Variants in ATXN3 observed in about 807,000 individuals in gnomAD.
ATXN3 encodes ataxin-3.
In ATXN3, 28 loss-of-function variants were observed where a neutral mutation model predicts 58.2. That is an observed-to-expected ratio of 0.48 (90% CI 0.36 to 0.66). ATXN3 has a LOEUF of 0.66. ATXN3 is among the 30% of genes least tolerant of loss of function. The probability of loss-of-function intolerance (pLI) is 0.00; values close to 1 mark genes in which losing one functional copy is unlikely to be tolerated. For missense variants in ATXN3, 321 were observed against 422.1 expected, an observed-to-expected ratio of 0.76 and a Z score of 2.10; for synonymous variants, 113 against 138.5, an observed-to-expected ratio of 0.82 and a Z score of 1.29.
chr14:92,096,678 A>G lies in ATXN3; in HGVS notation c.185T>C (p.Leu62Ser). Residue 62 changes from leucine to serine, a missense_variant, in exon 2 of 11, where the codon TTA becomes TCA. Coordinates refer to ENST00000644486, the MANE Select transcript of ATXN3 (RefSeq NM_004993.6). The stretch of plus-strand genomic sequence containing the variant: ...TAGTGAGTTTAAAATCAGTACCTGT[A>G]AAAACGTGCGATAATCTTCACTAGT... The part of the protein sequence containing the change: ...GVTSEDYRTF[L>S]QQPSGNMDDS... 1 of 1,610,314 alleles carries G rather than the reference A, an allele frequency of 6.2e-7. No individual in the cohort carries two copies. Among genetic ancestry groups the G allele is most frequent in the South Asian group, 1.1e-5 (1 of 89,896 alleles).
chr14:92,078,340 G>C (rs1040486199), intron 9 of ATXN3, among the ~76,000 whole-genome samples: 2 of 146,010 alleles, frequency 1.4e-5, no homozygotes, highest in African/African-American at 2.5e-5. Flanking sequence ...TAATTAAGTA[G>C]ATTTAAGTTA....
intron 10 of ATXN3, 123 bp from the exon 11 acceptor site, chr14:92,064,537 T>C (rs1265118456): frequency 2.9e-6 from 2 of 698,406 alleles, no homozygotes; most frequent in South Asian, 1.9e-5. Flanking sequence ...ATTTAATACA[T>C]ATAAAGCAAA....
rs957127775 is a variant in ATXN3 at position 92,091,856 on chromosome 14, T to A, written c.387+1396A>T. ...ATGCATCACCACGCCTAGCCAATTT[T>A]TTTTTCTTTCATTTTTTTTTTAGAG... On this transcript the variant is annotated intron_variant, in intron 5 of 10. Coordinates refer to ENST00000644486, the MANE Select transcript of ATXN3 (RefSeq NM_004993.6). Among the ~76,000 whole-genome samples, 9 of 151,592 alleles carry A rather than the reference T, an allele frequency of 5.9e-5. No homozygotes were observed. In the East Asian group the frequency reaches 7.8e-4, roughly 13 times the overall value.
Position 92,093,760 on chromosome 14 carries a change from G to A in ATXN3, c.306C>T (p.Leu102=). The stretch of plus-strand genomic sequence containing the variant: ...CAGAATCTTACATAGGATCGATCCT[G>A]AGCCTCTGATACTCTGGACTGTTGA... ...ILFNSPEYQR[L]RIDPINERSF... is the part of the protein sequence containing the mutation. The change falls in exon 4 of 11, where the codon CTC becomes CTT. Residue 102 remains leucine (L), a synonymous_variant. Coordinates refer to ENST00000644486, the MANE Select transcript of ATXN3 (RefSeq NM_004993.6). The A allele has an allele frequency of 1.9e-6, 3 of 1,608,330 alleles. No homozygotes were observed. Among genetic ancestry groups the A allele is most frequent in the South Asian group, 1.1e-5 (1 of 90,742 alleles).
Position 92,082,428 on chromosome 14 carries a change from T to C in ATXN3, c.647A>G (p.Asn216Ser), listed in dbSNP as rs1331590698. The change falls in exon 8 of 11, where the codon AAT (asparagine) becomes AGT (serine). Residue 216 changes from asparagine (N) to serine (S), a missense_variant. Around this residue, in one of 2 missense-constraint regions of ATXN3, gnomAD observed 200 missense variants for 223.2 expected, o/e 0.90. Transcript: ENST00000644486. ...KTDLERVLEA[N>S]DGSGMLDEDE... Reference sequence around the variant, plus strand: ...TTCGTCTAACATTCCTGAGCCATCATTTGCTTCTAACACTCGTTCCAGGTC... The same window carrying C: ...TTCGTCTAACATTCCTGAGCCATCACTTGCTTCTAACACTCGTTCCAGGTC... The C allele has an allele frequency of 3.1e-6, 5 of 1,614,128 alleles. No homozygotes were observed. The South Asian group carries it at 3.3e-5, about 11-fold the overall frequency.
chr14:92,070,869 C>A, intron 10 of ATXN3, 66 bp downstream of exon 10: 1 of 1,612,832 alleles, frequency 6.2e-7, no homozygotes, highest in Admixed American at 1.7e-5. Flanking sequence ...GCAAAAATCA[C>A]ATGGAGCTCG....
In ATXN3 at chr14:92,088,829, T is replaced by C; in HGVS notation, c.388-12A>G. On this transcript the variant is annotated splice_polypyrimidine_tract_variant and intron_variant, in intron 5 of 10. Transcript: ENST00000644486. ...TTCAAGTTAAACCACTGGAAAAAAATTGTCAATATTTAAGTTAGTGTATAT... is the reference window on the plus strand; with the variant it reads ...TTCAAGTTAAACCACTGGAAAAAAACTGTCAATATTTAAGTTAGTGTATAT... 1 of 1,530,774 alleles carries C rather than the reference T, an allele frequency of 6.5e-7. No homozygotes were observed. Among genetic ancestry groups the C allele is most frequent in the Non-Finnish European group, 9.0e-7 (1 of 1,105,872 alleles). The allele number at this position is 1,530,774 out of a possible 1,614,324, so 94.8% of individuals were successfully genotyped here.
rs1341857332 is a variant in ATXN3, at chr14:92,064,227, ATC to A, written c.*91_*92del. On this transcript the variant is annotated 3_prime_UTR_variant, in exon 11 of 11. Transcript: ENST00000644486. ...AAACCGCTAAAAGTCTTATTTCCTCATCTCTTTGACACATTACCAAAGTGGAC... is the reference window on the plus strand; with the variant it reads ...AAACCGCTAAAAGTCTTATTTCCTCATCTTTGACACATTACCAAAGTGGAC... The A allele has an allele frequency of 2.4e-6, 2 of 819,432 alleles. No homozygotes were observed. The highest frequency in any genetic ancestry group is 3.8e-6 in the Non-Finnish European group (2 of 528,882). The allele number at this position is 819,432 out of a possible 1,614,324, so 50.8% of individuals were successfully genotyped here. A position where few individuals can be genotyped will look rare whatever the true frequency, so the allele number is the denominator to read the frequency against.
rs1441385197 is a variant in ATXN3, at chr14:92,063,473, A to G, written c.*847T>C. The G allele has an allele frequency of 1.3e-5, 2 of 152,212 alleles. No individual in the cohort carries two copies. Among genetic ancestry groups the G allele is most frequent in the African/African-American group, 4.8e-5 (2 of 41,456 alleles). 9.4% of individuals were successfully genotyped at this position (152,212 alleles called of 1,614,324 possible). On this transcript the variant is annotated 3_prime_UTR_variant, in exon 11 of 11. Coordinates refer to ENST00000644486, the MANE Select transcript of ATXN3 (RefSeq NM_004993.6). ...TTCTCCTAGTTTTCTCAATTGGAGAAGAAAGGAAAAAATAAGGCGCAGGAA... is the reference window on the plus strand; with the variant it reads ...TTCTCCTAGTTTTCTCAATTGGAGAGGAAAGGAAAAAATAAGGCGCAGGAA...
intron 10 of ATXN3, among the ~76,000 whole-genome samples, chr14:92,070,468 A>T (rs985509047): frequency 3.9e-5 from 6 of 152,034 alleles, no homozygotes; most frequent in Admixed American, 2.0e-4. Context: ...AGTCCCAGCT[A>T]CTCAGGAGGC....
In ATXN3 at chr14:92,062,700, T is replaced by C. The variant is rs926545144; in HGVS notation, c.*1620A>G. 8 of 152,528 alleles carry C rather than the reference T, an allele frequency of 5.2e-5. No individual in the cohort carries two copies. The East Asian group carries it at 5.8e-4, about 11-fold the overall frequency. The allele number at this position is 152,528 out of a possible 1,614,324, so 9.4% of individuals were successfully genotyped here. On this transcript the variant is annotated 3_prime_UTR_variant, in exon 11 of 11. Coordinates refer to ENST00000644486, the MANE Select transcript of ATXN3 (RefSeq NM_004993.6). ...TGTAAGGGAAACTTCAGAAAACTGA[T>C]TGGCACAAAATAATGACTTAAAAAA...
rs953530857 is a variant in ATXN3, at chr14:92,062,170, T to C, written c.*2150A>G. The C allele has an allele frequency of 2.6e-5, 4 of 152,058 alleles. No individual in the cohort carries two copies. Among genetic ancestry groups the C allele is most frequent in the African/African-American group, 7.3e-5 (3 of 41,370 alleles). 9.4% of individuals were successfully genotyped at this position (152,058 alleles called of 1,614,324 possible). ...TACTCTGGAGGCTGAGGCAGGAGAA[T>C]TGCTTGAACCCGGGAGGTGGAAGTT... On this transcript the variant is annotated 3_prime_UTR_variant, in exon 11 of 11. Coordinates refer to ENST00000644486, the MANE Select transcript of ATXN3 (RefSeq NM_004993.6).
chr14:92,105,224 C>A (rs2067986221), intron 1 of ATXN3, among the ~76,000 whole-genome samples: 1 of 152,154 alleles, frequency 6.6e-6, no homozygotes, highest in South Asian at 2.1e-4. Context: ...GAGTTCGAGA[C>A]CAGCCTGGGC....
rs2057571245 is a variant in ATXN3 at position 92,059,170 on chromosome 14, G to T, written c.*5150C>A. 6.6e-6 allele frequency: 1 copy of T among 152,042 alleles called. No individual in the cohort carries two copies. Among genetic ancestry groups the T allele is most frequent in the Non-Finnish European group, 1.5e-5 (1 of 68,020 alleles). 9.4% of individuals were successfully genotyped at this position (152,042 alleles called of 1,614,324 possible). A position where few individuals can be genotyped will look rare whatever the true frequency, so the allele number is the denominator to read the frequency against. The stretch of plus-strand genomic sequence containing the variant: ...CGTTATTAGCACTAATTCTTAAAAT[G>T]CCAGACCACTTGGAAAAAATAATAA... On this transcript the variant is annotated 3_prime_UTR_variant, in exon 11 of 11. Coordinates refer to ENST00000644486, the MANE Select transcript of ATXN3 (RefSeq NM_004993.6).
chr14:92,051,503 CA>C (rs1490380578), upstream of ATXN3, among the ~76,000 whole-genome samples: 1 of 152,012 alleles, frequency 6.6e-6, no homozygotes, highest in African/African-American at 2.4e-5. Context: ...AGAAGCTTGT[CA>C]GATCTTCTCT....
chr14:92,064,852 C>T (rs912031064), intron 10 of ATXN3, among the ~76,000 whole-genome samples: 4 of 152,308 alleles, frequency 2.6e-5, no homozygotes, highest in Middle Eastern at 6.8e-3. Flanking sequence ...TTTTGAAAAA[C>T]TGTCAATTCA....
At chr14:92,102,846 A>G (rs2067155720) in intron 1 of ATXN3, among the ~76,000 whole-genome samples, 1 of 152,228 alleles carries the variant, frequency 6.6e-6, no homozygotes, top group African/African-American at 2.4e-5. Context: ...CAGAGGTTTC[A>G]AAACCTGTGC....
At chr14:92,099,992 C>CTGTT (rs1337875494) in intron 1 of ATXN3, among the ~76,000 whole-genome samples, 3 of 152,042 alleles carry the variant, frequency 2.0e-5, no homozygotes, top group Admixed American at 2.0e-4. Flanking sequence ...ATAGGCAAGA[C>CTGTT]AAACAAGCAC....
At chr14:92,097,595 G>A (rs538989117) in intron 1 of ATXN3, among the ~76,000 whole-genome samples, 1 of 149,630 alleles carries the variant, frequency 6.7e-6, no homozygotes, top group Non-Finnish European at 1.5e-5. Flanking sequence ...GCATGATCTC[G>A]GCTCACTGTA....
Sources: allele counts gnomAD v4.1 joint callset (sites outside exome capture counted in the v4.1 genomes callset), GRCh38; gene constraint gnomAD v4.1.1; regional missense constraint gnomAD v4.1.1; transcripts MANE v1.5; gene names NCBI Gene and HGNC (gene_info 2026-07-23, HGNC 2026-07-21).